The following NXPE2 variants were observed in gnomAD, a reference collection of about 807,000 sequenced individuals.
NXPE2 encodes the protein neurexophilin and PC-esterase domain family member 2, also known as NXPE family member 2.
NXPE2 carries 34 observed loss-of-function variants against 34.4 expected under a neutral mutation model. That is an observed-to-expected ratio of 0.99 (90% CI 0.75 to 1.31). NXPE2 has a LOEUF of 1.31. NXPE2 is among the 40% of genes most tolerant of loss of function. The probability of loss-of-function intolerance (pLI) is 0.00; values close to 1 mark genes in which losing one functional copy is unlikely to be tolerated. For synonymous variants in NXPE2, 235 were observed against 231.3 expected (o/e 1.02, Z -0.15); for missense variants, 649 against 672.5 (o/e 0.97, Z 0.39).
the NXPE2 span, among the ~76,000 whole-genome samples, chr11:114,549,559 A>G: frequency 6.6e-6 from 1 of 152,084 alleles, no homozygotes. Flanking sequence ...GTTGAAAAAC[A>G]CAACAGAAAG....
the NXPE2 span, among the ~76,000 whole-genome samples, chr11:114,603,883 G>T: frequency 1.3e-5 from 2 of 151,262 alleles, no homozygotes; most frequent in Non-Finnish European, 2.9e-5. Context: ...TTATCTGGTG[G>T]TTAATAAGTA....
rs188568220 is a variant in NXPE2, at chr11:114,706,957, C to G, written c.*27C>G. The G allele has an allele frequency of 2.7e-4, 405 of 1,499,838 alleles. 2 individuals carry two copies. In the African/African-American group the frequency reaches 4.8e-3, roughly 18 times the overall value. The allele number at this position is 1,499,838 out of a possible 1,614,324, so 92.9% of individuals were successfully genotyped here. Reference sequence around the variant, plus strand: ...GGAAAAATACAAAAATAGCACTAGCCACTTTCTATAGATGATCTCACATAT... The same window carrying G: ...GGAAAAATACAAAAATAGCACTAGCGACTTTCTATAGATGATCTCACATAT... On this transcript the variant is annotated 3_prime_UTR_variant, in exon 6 of 6. Transcript: ENST00000389586.
At chr11:114,530,700 G>T in the NXPE2 span, 13 of 1,614,200 alleles carry the variant, frequency 8.1e-6, no homozygotes, top group South Asian at 1.1e-5. Flanking sequence ...GAGGATGGTG[G>T]CTGTGCTGTG....
chr11:114,585,458 C>G, the NXPE2 span, among the ~76,000 whole-genome samples: 1 of 151,714 alleles, frequency 6.6e-6, no homozygotes, highest in Non-Finnish European at 1.5e-5. Context: ...CAAATGGAAA[C>G]CAAAAGAGAG....
the NXPE2 span, among the ~76,000 whole-genome samples, chr11:114,735,009 C>G: frequency 2.0e-5 from 3 of 152,050 alleles, no homozygotes; most frequent in African/African-American, 7.2e-5. Context: ...ACTCGGGAGG[C>G]CGAAGCAGGA....
chr11:114,667,096 T>C, the NXPE2 span, among the ~76,000 whole-genome samples: 1 of 152,130 alleles, frequency 6.6e-6, no homozygotes. Flanking sequence ...GTTCTAACTG[T>C]GCTGTGATGG....
At chr11:114,637,292 AT>A in the NXPE2 span, among the ~76,000 whole-genome samples, 6 of 151,272 alleles carry the variant, frequency 4.0e-5, no homozygotes, top group African/African-American at 1.2e-4. Flanking sequence ...CAATCCCTGC[AT>A]TTTTTTGTTT....
the NXPE2 span, among the ~76,000 whole-genome samples, chr11:114,713,284 T>A: frequency 5.9e-5 from 9 of 152,178 alleles, no homozygotes; most frequent in African/African-American, 2.2e-4. Flanking sequence ...GGAAAAATGG[T>A]TAAGAGGATA....
chr11:114,797,500 A>G, the NXPE2 span, among the ~76,000 whole-genome samples: 2 of 152,160 alleles, frequency 1.3e-5, no homozygotes, highest in African/African-American at 4.8e-5. Context: ...TCCTCAGTTC[A>G]CAGCAGGCAT....
the NXPE2 span, among the ~76,000 whole-genome samples, chr11:114,506,624 G>C: frequency 3.9e-5 from 6 of 152,290 alleles, no homozygotes; most frequent in East Asian, 9.6e-4. Flanking sequence ...ACCTGCTACT[G>C]AATGGCTTTT....
the NXPE2 span, among the ~76,000 whole-genome samples, chr11:114,758,442 G>A: frequency 2.0e-5 from 3 of 152,206 alleles, no homozygotes; most frequent in East Asian, 1.9e-4. Flanking sequence ...GCAAAAAGCA[G>A]GATACATTCT....
chr11:114,526,624 C>G, the NXPE2 span: 3 of 152,202 alleles, frequency 2.0e-5, no homozygotes, highest in Non-Finnish European at 4.4e-5. Context: ...TCTTTCTAGG[C>G]TTATCCTCTG....
chr11:114,761,561 CTTTTTTTTTTT>C, the NXPE2 span, among the ~76,000 whole-genome samples: 7 of 92,774 alleles, frequency 7.5e-5, no homozygotes, highest in Admixed American at 9.1e-4. Context: ...AGCCAAGCCT[CTTTTTTTTTTT>C]TTTTTTTTTT....
chr11:114,808,614 G>A, the NXPE2 span, among the ~76,000 whole-genome samples: 4 of 113,100 alleles, frequency 3.5e-5, no homozygotes, highest in Non-Finnish European at 5.5e-5. Context: ...TAAATTCCTC[G>A]ACACATGCAT....
chr11:114,808,586 A>G, the NXPE2 span, among the ~76,000 whole-genome samples: 1 of 99,240 alleles, frequency 1.0e-5, no homozygotes, highest in African/African-American at 3.5e-5. Context: ...ATAAACTAGA[A>G]AATCTAGAAG....
the NXPE2 span, among the ~76,000 whole-genome samples, chr11:114,771,597 T>G: frequency 1.3e-5 from 2 of 152,094 alleles, no homozygotes; most frequent in African/African-American, 4.8e-5. Context: ...GTGGACCCAA[T>G]TCACTCAGTC....
chr11:114,598,623 G>C, the NXPE2 span, among the ~76,000 whole-genome samples: 7 of 152,216 alleles, frequency 4.6e-5, no homozygotes, highest in Non-Finnish European at 1.0e-4. Flanking sequence ...CAAGGCTTAT[G>C]GCTTGCACTC....
the NXPE2 span, among the ~76,000 whole-genome samples, chr11:114,589,327 T>C: frequency 7.9e-5 from 12 of 151,960 alleles, no homozygotes; most frequent in Non-Finnish European, 1.6e-4. Flanking sequence ...CCCAGGTAAT[T>C]CTGGAAACTG....
chr11:114,484,741 G>A, the NXPE2 span, among the ~76,000 whole-genome samples: 1 of 152,292 alleles, frequency 6.6e-6, no homozygotes, highest in East Asian at 1.9e-4. Flanking sequence ...GATTAGGTAG[G>A]TGGGACTTGC....
Sources: gnomAD v4.1 joint callset for allele counts (sites outside exome capture counted in the v4.1 genomes callset) on GRCh38, gnomAD v4.1.1 for gene constraint, MANE v1.5 for transcripts, NCBI Gene and HGNC (gene_info 2026-07-23, HGNC 2026-07-21) for gene names.